Variants in NIPBL observed in about 807,000 individuals in gnomAD.
NIPBL encodes the protein NIPBL cohesin loading factor.
In NIPBL, 19 loss-of-function variants were observed where a neutral mutation model predicts 321.8. The observed-to-expected ratio is 0.06, with a 90% CI of 0.04 to 0.09. The LOEUF (loss-of-function observed/expected upper bound fraction) is 0.09, where lower values mean the gene tolerates loss of function less well. NIPBL is among the 10% of genes least tolerant of loss of function. The pLI is 1.00. For synonymous variants in NIPBL, 1,106 were observed against 1,114.1 expected (o/e 0.99, Z 0.14); for missense variants, 2,210 against 3,327.0 (o/e 0.66, Z 8.26).
intron 31 of NIPBL, 97 bp from the exon 32 acceptor site, chr5:37,027,262 A>G: frequency 1.0e-6 from 1 of 970,380 alleles, no homozygotes; most frequent in Non-Finnish European, 1.6e-6. Context: ...TTGAATTGAG[A>G]AAATTGAAAC....
At chr5:37,000,756 A>G in intron 12 of NIPBL, 61 bp from the exon 13 acceptor site, 1 of 1,460,244 alleles carries the variant, frequency 6.8e-7, no homozygotes, top group Middle Eastern at 1.9e-4. Flanking sequence ...ACTAGAAACA[A>G]AAATGGAATT....
At chr5:36,948,017 T>C (rs777540143) in intron 1 of NIPBL, among the ~76,000 whole-genome samples, 2 of 151,978 alleles carry the variant, frequency 1.3e-5, no homozygotes, top group Non-Finnish European at 2.9e-5. Context: ...CTTCTTTATT[T>C]TAGTGCCAAT....
chr5:36,930,803 C>CT (rs1413693106), intron 1 of NIPBL, among the ~76,000 whole-genome samples: 2 of 151,998 alleles, frequency 1.3e-5, no homozygotes, highest in African/African-American at 2.4e-5. Flanking sequence ...GGTCATGTAG[C>CT]TTTAGTTGCT....
chr5:36,962,294 CTT>C lies in NIPBL; in HGVS notation c.610+21_610+22del. ...AACAAGGTAAGAAAGTTGTTTGTAA[CTT>C]CACTGGGAATGTCTAAGTGCTTTAA... On this transcript the variant is annotated intron_variant, in intron 6 of 46. Coordinates refer to ENST00000282516, the MANE Select transcript of NIPBL (RefSeq NM_133433.4). 6.2e-7 allele frequency: 1 copy of C among 1,613,680 alleles called. No individual in the cohort carries two copies. The highest frequency in any genetic ancestry group is 8.5e-7 in the Non-Finnish European group (1 of 1,179,618).
chr5:36,889,952 AAT>A (rs1268423616), intron 1 of NIPBL, among the ~76,000 whole-genome samples: 5 of 152,120 alleles, frequency 3.3e-5, no homozygotes, highest in African/African-American at 1.2e-4. Flanking sequence ...AAATGGGAAA[AAT>A]ATCAAATTTT....
chr5:36,907,789 TTAA>T (rs1358316080), intron 1 of NIPBL, among the ~76,000 whole-genome samples: 7 of 152,254 alleles, frequency 4.6e-5, no homozygotes, highest in Admixed American at 1.3e-4. Context: ...GGTCTGAAAG[TTAA>T]TAATAACTAA....
intron 4 of NIPBL, among the ~76,000 whole-genome samples, chr5:36,960,429 G>A (rs950911749): frequency 6.6e-6 from 1 of 151,600 alleles, no homozygotes; most frequent in African/African-American, 2.4e-5. Flanking sequence ...TAAAGCTATG[G>A]AGCAAAACAA....
In NIPBL at chr5:37,058,963, G is replaced by A. The variant is rs774763777; in HGVS notation, c.7483G>A (p.Glu2495Lys). ...SKENESSDSE[E>K]EVSRPRKSRK... is the part of the protein sequence containing the mutation. ...GGAAAATGAGTCAAGCGACAGTGAA[G>A]AAGAAGTTTCCAGGCCTCGGAAGTC... The change falls in exon 44 of 47, where the codon GAA becomes AAA. Residue 2495 changes from glutamate (E) to lysine (K), a missense_variant. Coordinates refer to ENST00000282516, the MANE Select transcript of NIPBL (RefSeq NM_133433.4). The A allele has an allele frequency of 3.7e-6, 6 of 1,614,222 alleles. No homozygotes were observed. The highest frequency in any genetic ancestry group is 4.5e-5 in the East Asian group (2 of 44,886).
intron 6 of NIPBL, among the ~76,000 whole-genome samples, chr5:36,969,089 G>A (rs913926769): frequency 5.3e-5 from 8 of 152,038 alleles, no homozygotes; most frequent in Non-Finnish European, 1.2e-4. Flanking sequence ...AGATACCTAG[G>A]AATAAATTTA....
intron 27 of NIPBL, among the ~76,000 whole-genome samples, chr5:37,021,213 T>C (rs1305209965): frequency 6.6e-6 from 1 of 150,702 alleles, no homozygotes; most frequent in South Asian, 2.1e-4. Flanking sequence ...GCCGGAGAAT[T>C]GCTTGAACCT....
At chr5:36,883,251 A>G (rs148438978) in intron 1 of NIPBL, among the ~76,000 whole-genome samples, 52 of 152,124 alleles carry the variant, frequency 3.4e-4, no homozygotes, top group African/African-American at 1.2e-3. Flanking sequence ...CATGTGTGAC[A>G]TATCTCTTAA....
chr5:36,885,207 T>C (rs1052270224), intron 1 of NIPBL: 7 of 533,698 alleles, frequency 1.3e-5, no homozygotes, highest in Non-Finnish European at 2.3e-5. Context: ...CTGGACAGCA[T>C]GAGCTTCACC....
Position 37,065,430 on chromosome 5 carries a change from CA to C in NIPBL, c.*540del, listed in dbSNP as rs1294596466. The C allele has an allele frequency of 6.6e-6, 1 of 152,464 alleles. No individual in the cohort carries two copies. Among genetic ancestry groups the C allele is most frequent in the Non-Finnish European group, 1.5e-5 (1 of 68,260 alleles). 9.4% of individuals were successfully genotyped at this position (152,464 alleles called of 1,614,324 possible). ...TTGATGTATTAGGTCACCCTGAAAA[CA>C]ATACAAGAAAAGGGATCCCCAGGTA... On this transcript the variant is annotated 3_prime_UTR_variant, in exon 47 of 47. Transcript: ENST00000282516.
At chr5:36,918,817 T>C (rs1748688237) in intron 1 of NIPBL, among the ~76,000 whole-genome samples, 1 of 152,198 alleles carries the variant, frequency 6.6e-6, no homozygotes, top group African/African-American at 2.4e-5. Context: ...GTTTATATGA[T>C]GGATTACGTT....
chr5:37,057,062 G>A, intron 42 of NIPBL, 124 bp from the exon 43 acceptor site: 1 of 889,526 alleles, frequency 1.1e-6, no homozygotes, highest in Non-Finnish European at 1.8e-6. Context: ...CTCCGTGTGT[G>A]TCTGCTTATC....
chr5:36,906,987 A>G (rs1279109873), intron 1 of NIPBL, among the ~76,000 whole-genome samples: 2 of 152,188 alleles, frequency 1.3e-5, no homozygotes, highest in Non-Finnish European at 2.9e-5. Flanking sequence ...GCATAGGTGT[A>G]TGTCTTTGCA....
chr5:36,913,465 C>G (rs1233915427), intron 1 of NIPBL, among the ~76,000 whole-genome samples: 1 of 150,576 alleles, frequency 6.6e-6, no homozygotes, highest in African/African-American at 2.5e-5. Context: ...ATTACAGCTA[C>G]TGCATCTTCT....
chr5:36,999,389 C>T (rs1433916126), intron 11 of NIPBL, among the ~76,000 whole-genome samples: 1 of 152,186 alleles, frequency 6.6e-6, no homozygotes, highest in Non-Finnish European at 1.5e-5. Context: ...CACATCACTT[C>T]TCTGCCCTGG....
rs755568891 is a variant in NIPBL, at chr5:36,986,281, A to G, written c.3101A>G (p.Lys1034Arg). The stretch of plus-strand genomic sequence containing the variant: ...AGTTCCCTTAAACCTATCAAGAATA[A>G]ACCATCAAAGTCAAATAAAGGTAAG... ...SRSSLKPIKN[K>R]PSKSNKGSID... is the part of the protein sequence containing the mutation. Residue 1034 changes from lysine to arginine, a missense_variant, in exon 10 of 47, where the codon AAA becomes AGA. Lys to Arg is a conservative substitution (Grantham distance 26). Around this residue, in one of 14 missense-constraint regions of NIPBL, gnomAD observed 381 missense variants for 642.3 expected, o/e 0.59. Transcript: ENST00000282516. 1 of 1,520,974 alleles carries G rather than the reference A, an allele frequency of 6.6e-7. No individual in the cohort carries two copies. Among genetic ancestry groups the G allele is most frequent in the Admixed American group, 2.2e-5 (1 of 44,500 alleles). 94.2% of individuals were successfully genotyped at this position (1,520,974 alleles called of 1,614,324 possible). A position where few individuals can be genotyped will look rare whatever the true frequency, so the allele number is the denominator to read the frequency against.
Sources: allele counts gnomAD v4.1 joint callset (sites outside exome capture counted in the v4.1 genomes callset), GRCh38; gene constraint gnomAD v4.1.1; regional missense constraint gnomAD v4.1.1; transcripts MANE v1.5; gene names NCBI Gene and HGNC (gene_info 2026-07-23, HGNC 2026-07-21).